Variants in WBP1L observed in about 807,000 individuals in gnomAD.
WBP1L encodes the protein WW domain binding protein 1 like.
In WBP1L, 17 loss-of-function variants were observed where a neutral mutation model predicts 33.7. The observed-to-expected ratio is 0.50, with a 90% confidence interval of 0.34 to 0.76. The LOEUF (loss-of-function observed/expected upper bound fraction) is 0.76, where lower values mean the gene tolerates loss of function less well. WBP1L is among the 30% of genes least tolerant of loss of function. The probability of loss-of-function intolerance (pLI) is 0.01; values close to 1 mark genes in which losing one functional copy is unlikely to be tolerated. For synonymous variants in WBP1L, 173 were observed against 190.8 expected (o/e 0.91, Z 0.77); for missense variants, 389 against 469.4 (o/e 0.83, Z 1.58).
chr10:102,755,389 T>G (rs1842963608), intron 1 of WBP1L, among the ~76,000 whole-genome samples: 1 of 151,694 alleles, frequency 6.6e-6, no homozygotes, highest in South Asian at 2.1e-4. Flanking sequence ...CCTGAGTAGC[T>G]AGGACTATTA....
rs545761441 is a variant in WBP1L, at chr10:102,815,223, C to T, written c.*1892C>T. 6.5e-6 allele frequency: 1 copy of T among 152,766 alleles called. No homozygotes were observed. The highest frequency in any genetic ancestry group is 6.5e-5 in the Admixed American group (1 of 15,308). 9.5% of individuals were successfully genotyped at this position (152,766 alleles called of 1,614,324 possible). ...TCCGCAGCATTGTCGACTGCAGTCC[C>T]CTGTGTTTGCCAGAGATACTGTGCT... is the stretch of plus-strand genomic sequence containing the variant. On this transcript the variant is annotated 3_prime_UTR_variant, in exon 4 of 4. Transcript: ENST00000448841.
chr10:102,789,460 TTCTC>T (rs777677388), intron 1 of WBP1L, among the ~76,000 whole-genome samples: 10 of 152,182 alleles, frequency 6.6e-5, no homozygotes, highest in African/African-American at 1.2e-4. Context: ...TGGAACACTG[TTCTC>T]ACCGGTCTGG....
chr10:102,792,767 G>T (rs1843520668), intron 1 of WBP1L, among the ~76,000 whole-genome samples: 1 of 151,770 alleles, frequency 6.6e-6, no homozygotes, highest in Non-Finnish European at 1.5e-5. Context: ...GCTAATTTTT[G>T]TATCTTTAGT....
chr10:102,803,609 T>G (rs1453192557), intron 2 of WBP1L, among the ~76,000 whole-genome samples: 1 of 6,542 alleles, frequency 1.5e-4, no homozygotes, highest in African/African-American at 2.9e-4. Context: ...GGGTTTTCCT[T>G]TTTTTTTTTT....
rs539746043 is a variant in WBP1L at position 102,753,544 on chromosome 10, C to T, written c.90+9401C>T. On this transcript the variant is annotated intron_variant, in intron 1 of 3. Coordinates refer to ENST00000448841, the MANE Select transcript of WBP1L (RefSeq NM_001083913.2). ...CATCCTCTCAGACTTGCAGATCACC[C>T]GTCTTGCATGGTCTGGGTTTTTGGG... Among the ~76,000 whole-genome samples the T allele has an allele frequency of 1.2e-4, 18 of 152,276 alleles. No homozygotes were observed. The South Asian group carries it at 1.4e-3, about 12-fold the overall frequency.
chr10:102,768,965 G>GAT lies in WBP1L; in HGVS notation c.90+24822_90+24823insAT, dbSNP rs1843150602. Among the ~76,000 whole-genome samples the GAT allele has an allele frequency of 8.6e-4, 131 of 151,752 alleles. 2 individuals carry two copies. Among genetic ancestry groups the GAT allele is most frequent in the Admixed American group, 8.6e-3 (131 of 15,240 alleles). ...AGCCTCCCAAAGTGCTGAGATTACAGGCTTGAGCCATTGCGCTTGGCCTCG... is the reference window on the plus strand; with the variant it reads ...AGCCTCCCAAAGTGCTGAGATTACAGATGCTTGAGCCATTGCGCTTGGCCTCG... On this transcript the variant is annotated intron_variant, in intron 1 of 3. Coordinates refer to ENST00000448841, the MANE Select transcript of WBP1L (RefSeq NM_001083913.2).
rs571061892 is a variant in WBP1L, at chr10:102,787,989, G to A, written c.91-10004G>A. ...AGCTACTCGGGAGGCTGAGGCAGGA[G>A]AATCACTGGAACCTGGGAGGTGGTG... On this transcript the variant is annotated intron_variant, in intron 1 of 3. Coordinates refer to ENST00000448841, the MANE Select transcript of WBP1L (RefSeq NM_001083913.2). 2.4e-3 allele frequency among the ~76,000 whole-genome samples: 364 copies of A among 151,188 alleles called. 2 individuals are homozygous for A. The highest frequency in any genetic ancestry group is 3.9e-3 in the Non-Finnish European group (267 of 67,758).
At chr10:102,754,841 A>C (rs907589857) in intron 1 of WBP1L, among the ~76,000 whole-genome samples, 5 of 152,080 alleles carry the variant, frequency 3.3e-5, no homozygotes, top group African/African-American at 1.2e-4. Context: ...AGTAGCTAGG[A>C]CTACAGGCAC....
rs149111793 is a variant in WBP1L, at chr10:102,812,780, C to T, written c.541C>T (p.Pro181Ser). ...GGGATCCCAGGGGGCACAGAGCAGC[C>T]CCTTGTCTGAGCCCAGCAGAAGCAG... ...TRGSQGAQSS[P>S]LSEPSRSSTR... The change falls in exon 4 of 4, where the codon CCC becomes TCC. Residue 181 changes from proline (P) to serine (S), a missense_variant. Coordinates refer to ENST00000448841, the MANE Select transcript of WBP1L (RefSeq NM_001083913.2). The T allele has an allele frequency of 1.4e-5, 23 of 1,609,960 alleles. No individual in the cohort carries two copies. The highest frequency in any genetic ancestry group is 1.9e-5 in the Non-Finnish European group (22 of 1,178,290).
Position 102,813,196 on chromosome 10 carries a change from C to CCT in WBP1L, c.960_961dup (p.Cys321SerfsTer26), listed in dbSNP as rs752081641. ...GGCCCCCTGGTGATGAGGAGGAAGGCCTCTGTCAGTCCTCTGAGGAGCAGG... is the reference window on the plus strand; with the variant it reads ...GGCCCCCTGGTGATGAGGAGGAAGGCCTCTCTGTCAGTCCTCTGAGGAGCAGG... On this transcript the variant is annotated frameshift_variant, in exon 4 of 4. Transcript: ENST00000448841. LOFTEE classifies it high-confidence loss of function. 1.2e-6 allele frequency: 2 copies of CCT among 1,613,752 alleles called. No homozygotes were observed. Among genetic ancestry groups the CCT allele is most frequent in the Admixed American group, 3.3e-5 (2 of 60,018 alleles).
intron 1 of WBP1L, among the ~76,000 whole-genome samples, chr10:102,792,592 CTTTTTTTT>C (rs11368357): frequency 3.9e-5 from 4 of 103,586 alleles, no homozygotes; most frequent in African/African-American, 6.9e-5. Flanking sequence ...TTTTTCTTTT[CTTTTTTTT>C]TTTTTTTTTT....
chr10:102,791,463 C>T (rs1322449985), intron 1 of WBP1L, among the ~76,000 whole-genome samples: 1 of 152,084 alleles, frequency 6.6e-6, no homozygotes, highest in Non-Finnish European at 1.5e-5. Flanking sequence ...GGGGTCAATA[C>T]ATATGTGTTA....
At chr10:102,762,466 C>T (rs1843053789) in intron 1 of WBP1L, among the ~76,000 whole-genome samples, 1 of 152,096 alleles carries the variant, frequency 6.6e-6, no homozygotes, top group Non-Finnish European at 1.5e-5. Context: ...CCAACAGTAC[C>T]CTTAATCCCA....
At chr10:102,784,225 C>T (rs1165456290) in intron 1 of WBP1L, among the ~76,000 whole-genome samples, 2 of 152,052 alleles carry the variant, frequency 1.3e-5, no homozygotes, top group Non-Finnish European at 2.9e-5. Flanking sequence ...GTACATACAA[C>T]TTAAAGAAAA....
At chr10:102,766,959 G>T (rs1254909462) in intron 1 of WBP1L, among the ~76,000 whole-genome samples, 1 of 152,220 alleles carries the variant, frequency 6.6e-6, no homozygotes, top group Non-Finnish European at 1.5e-5. Flanking sequence ...GGCATGAAAT[G>T]TATCTGGAGA....
intron 1 of WBP1L, among the ~76,000 whole-genome samples, chr10:102,748,540 C>T (rs1163236064): frequency 1.3e-5 from 2 of 152,158 alleles, no homozygotes. Context: ...GTTTGATGTA[C>T]CAAAGTGTAA....
chr10:102,794,076 G>A (rs567678569), intron 1 of WBP1L, among the ~76,000 whole-genome samples: 2 of 152,134 alleles, frequency 1.3e-5, no homozygotes, highest in South Asian at 2.1e-4. Flanking sequence ...TGGCCCCAGC[G>A]AACTCTTAAC....
intron 2 of WBP1L, among the ~76,000 whole-genome samples, chr10:102,802,340 G>A (rs7086400): frequency 0.52 from 77,471 of 149,566 alleles, 21,104 homozygotes; most frequent in Middle Eastern, 0.63. Flanking sequence ...ATAAGGTTTC[G>A]CCATGTTGCC....
chr10:102,763,353 G>A (rs1340588404), intron 1 of WBP1L, among the ~76,000 whole-genome samples: 3 of 152,026 alleles, frequency 2.0e-5, no homozygotes, highest in Non-Finnish European at 4.4e-5. Flanking sequence ...TGACTGTTCC[G>A]AGGCTTAACC....
Sources: gnomAD v4.1 joint callset for allele counts (sites outside exome capture counted in the v4.1 genomes callset) on GRCh38, gnomAD v4.1.1 for gene constraint, MANE v1.5 for transcripts, NCBI Gene and HGNC (gene_info 2026-07-23, HGNC 2026-07-21) for gene names.